CHRM3: variants seen among roughly 807,000 people sequenced by gnomAD.
CHRM3 encodes muscarinic acetylcholine receptor M3.
A neutral mutation model predicts 41.8 loss-of-function variants in CHRM3; 11 were observed. The ratio of observed to expected loss-of-function variants is 0.26; its 90% CI spans 0.17 to 0.44. The LOEUF (loss-of-function observed/expected upper bound fraction) is 0.44. Ranked by LOEUF, CHRM3 falls within the 20% of genes least tolerant of loss-of-function variation. The pLI is 1.00. For synonymous variants in CHRM3, 297 were observed against 301.4 expected (o/e 0.99, Z 0.15); for missense variants, 571 against 745.4 (o/e 0.77, Z 2.72).
Position 239,825,290 on chromosome 1 carries a change from G to A in CHRM3, c.-146-1962G>A, listed in dbSNP as rs563864564. 9.2e-5 allele frequency among the ~76,000 whole-genome samples: 14 copies of A among 152,200 alleles called. No individual in the cohort carries two copies. The South Asian group carries it at 1.5e-3, about 16-fold the overall frequency. On this transcript the variant is annotated intron_variant, in intron 5 of 6. Coordinates refer to ENST00000676153, the MANE Select transcript of CHRM3 (RefSeq NM_001375978.1). ...CTAAAGAACACCCCATGCCTGCTCC[G>A]CCCTCTACACCATGTATTTCTCAAC...
At chr1:239,482,450 G>A (rs1666918938) in intron 1 of CHRM3, among the ~76,000 whole-genome samples, 1 of 152,140 alleles carries the variant, frequency 6.6e-6, no homozygotes, top group African/African-American at 2.4e-5. Context: ...AAATATTCTG[G>A]TTGAGCTATA....
At chr1:239,822,014 G>A (rs777968186) in intron 5 of CHRM3, among the ~76,000 whole-genome samples, 22 of 152,270 alleles carry the variant, frequency 1.4e-4, no homozygotes, top group Admixed American at 6.5e-4. Context: ...CACCATGATT[G>A]TAAGTTTCCT....
intron 1 of CHRM3, among the ~76,000 whole-genome samples, chr1:239,390,136 T>A (rs541730229): frequency 6.6e-6 from 1 of 152,248 alleles, no homozygotes; most frequent in South Asian, 2.1e-4. Flanking sequence ...CATAAGACTA[T>A]TGTAAAAGGT....
At chr1:239,562,869 A>G (rs1572719144) in intron 3 of CHRM3, among the ~76,000 whole-genome samples, 1 of 150,808 alleles carries the variant, frequency 6.6e-6, no homozygotes, top group Non-Finnish European at 1.5e-5. Flanking sequence ...GCCTGGGCAA[A>G]AGAGTGAAAC....
chr1:239,908,259 G>A lies in CHRM3; in HGVS notation c.808G>A (p.Ala270Thr), dbSNP rs750254408. The change falls in exon 7 of 7, where the codon GCC becomes ACC. Residue 270 changes from alanine (A) to threonine (T), a missense_variant. Ala to Thr is a moderately conservative substitution (Grantham distance 58). Coordinates refer to ENST00000676153, the MANE Select transcript of CHRM3 (RefSeq NM_001375978.1). This position sits in a 1 kb window ranked among gnomAD's most constrained non-coding sequence, Gnocchi z 7.2. Reference sequence around the variant, plus strand: ...TACCAAAGAGCTTGCTGGCCTGCAAGCCTCTGGGACAGAGGCAGAGACAGA... The same window carrying A: ...TACCAAAGAGCTTGCTGGCCTGCAAACCTCTGGGACAGAGGCAGAGACAGA... Reference protein sequence around the residue: ...KRTKELAGLQASGTEAETENF... With the variant: ...KRTKELAGLQTSGTEAETENF... The A allele has an allele frequency of 6.2e-7, 1 of 1,614,154 alleles. No homozygotes were observed. Among genetic ancestry groups the A allele is most frequent in the South Asian group, 1.1e-5 (1 of 91,088 alleles).
chr1:239,821,073 G>A (rs899122924), intron 5 of CHRM3, among the ~76,000 whole-genome samples: 2 of 152,178 alleles, frequency 1.3e-5, no homozygotes, highest in African/African-American at 4.8e-5. Flanking sequence ...CTTGTGATGC[G>A]CCATCCACAA....
At chr1:239,634,651 A>G (rs563920560) in intron 4 of CHRM3, among the ~76,000 whole-genome samples, 6 of 152,252 alleles carry the variant, frequency 3.9e-5, no homozygotes, top group East Asian at 1.9e-4. Flanking sequence ...CCGCCTAACA[A>G]TCTTCATTAA....
At chr1:239,905,153 T>C (rs1315550500) in intron 6 of CHRM3, among the ~76,000 whole-genome samples, 1 of 152,216 alleles carries the variant, frequency 6.6e-6, no homozygotes, top group African/African-American at 2.4e-5. Flanking sequence ...TCTCATTAAT[T>C]TTAACATGCA....
At chr1:239,618,101 G>A (rs1394878973) in intron 3 of CHRM3, among the ~76,000 whole-genome samples, 5 of 151,522 alleles carry the variant, frequency 3.3e-5, no homozygotes, top group South Asian at 2.1e-4. Context: ...AGGGAAGTGC[G>A]TACAGTTAAA....
chr1:239,410,775 G>A (rs565716136), intron 1 of CHRM3, among the ~76,000 whole-genome samples: 3 of 152,234 alleles, frequency 2.0e-5, no homozygotes, highest in East Asian at 3.9e-4. Context: ...TTTCTCTAAA[G>A]GATTTCCATT....
chr1:239,616,249 T>G (rs1667620833), intron 3 of CHRM3, among the ~76,000 whole-genome samples: 1 of 152,206 alleles, frequency 6.6e-6, no homozygotes, highest in Non-Finnish European at 1.5e-5. Context: ...TTTTAAAGAT[T>G]GTTTTGTGTA....
At chr1:239,488,490 C>T (rs1040700258) in intron 1 of CHRM3, among the ~76,000 whole-genome samples, 1 of 151,686 alleles carries the variant, frequency 6.6e-6, no homozygotes, top group African/African-American at 2.4e-5. Context: ...CCGAGGTGGG[C>T]AGATCATCAG....
At chr1:239,456,626 C>T (rs554318481) in intron 1 of CHRM3, among the ~76,000 whole-genome samples, 2 of 152,256 alleles carry the variant, frequency 1.3e-5, no homozygotes, top group Non-Finnish European at 2.9e-5. Flanking sequence ...TACAATGTCA[C>T]GGGAAGTTTC....
chr1:239,567,188 T>C (rs1165904411), intron 3 of CHRM3, among the ~76,000 whole-genome samples: 1 of 151,890 alleles, frequency 6.6e-6, no homozygotes, highest in Non-Finnish European at 1.5e-5. Flanking sequence ...TCATTAAAAC[T>C]GGTAAGCTGG....
At chr1:239,824,976 T>G (rs1055008410) in intron 5 of CHRM3, among the ~76,000 whole-genome samples, 1 of 152,230 alleles carries the variant, frequency 6.6e-6, no homozygotes, top group East Asian at 1.9e-4. Flanking sequence ...GTGGCAATCA[T>G]CCTTAGCAGT....
At chr1:239,511,418 A>G (rs959278630) in intron 2 of CHRM3, among the ~76,000 whole-genome samples, 1 of 152,234 alleles carries the variant, frequency 6.6e-6, no homozygotes, top group Non-Finnish European at 1.5e-5. Context: ...TATGTAACTG[A>G]AAGTAAATGT....
chr1:239,504,908 G>T (rs1477846191), intron 2 of CHRM3, among the ~76,000 whole-genome samples: 1 of 151,952 alleles, frequency 6.6e-6, no homozygotes, highest in South Asian at 2.1e-4. Flanking sequence ...TTGGGGACTT[G>T]GGGGGAAGGG....
intron 6 of CHRM3, among the ~76,000 whole-genome samples, chr1:239,901,192 T>G (rs1390200633): frequency 6.6e-6 from 1 of 152,172 alleles, no homozygotes; most frequent in Non-Finnish European, 1.5e-5. Context: ...ATGCGACCTC[T>G]TTTTCCTCCA....
At chr1:239,759,129 T>G (rs1666480631) in intron 5 of CHRM3, among the ~76,000 whole-genome samples, 1 of 150,768 alleles carries the variant, frequency 6.6e-6, no homozygotes, top group South Asian at 2.1e-4. Context: ...AATCAGAACT[T>G]GAGCATTTTC....
Sources: allele counts gnomAD v4.1 joint callset (sites outside exome capture counted in the v4.1 genomes callset), GRCh38; gene constraint gnomAD v4.1.1; non-coding constraint Gnocchi (gnomAD v3.1); transcripts MANE v1.5; gene names NCBI Gene and HGNC (gene_info 2026-07-23, HGNC 2026-07-21).